The following CCDC149 variants were observed in gnomAD, a reference collection of about 807,000 sequenced individuals.
CCDC149 encodes the protein coiled-coil domain containing 149.
A neutral mutation model predicts 59.9 loss-of-function variants in CCDC149; 45 were observed. That is an observed-to-expected ratio of 0.75 (90% confidence interval 0.59 to 0.96). The LOEUF (loss-of-function observed/expected upper bound fraction) is 0.96, where lower values mean the gene tolerates loss of function less well. CCDC149 is among the 40% of genes least tolerant of loss of function. CCDC149 has a pLI of 0.00. For missense variants in CCDC149, 584 were observed against 664.7 expected (o/e 0.88, Z 1.33); for synonymous variants, 245 against 260.6 (o/e 0.94, Z 0.58).
chr4:24,859,197 G>A (rs780530777), intron 3 of CCDC149, among the ~76,000 whole-genome samples: 14 of 152,078 alleles, frequency 9.2e-5, no homozygotes, highest in Non-Finnish European at 1.8e-4. Context: ...AGTACGGTAT[G>A]GAATAAATTA....
chr4:24,974,154 T>C (rs1204426349), intron 1 of CCDC149, among the ~76,000 whole-genome samples: 1 of 152,148 alleles, frequency 6.6e-6, no homozygotes, highest in African/African-American at 2.4e-5. Context: ...CTTTTGACAG[T>C]TTGCTCCCCA....
At chr4:24,911,519 C>T (rs944065849) in intron 1 of CCDC149, among the ~76,000 whole-genome samples, 2 of 152,194 alleles carry the variant, frequency 1.3e-5, no homozygotes, top group Non-Finnish European at 2.9e-5. Context: ...CTCCAGCCTC[C>T]TTGACTACTA....
chr4:24,848,438 G>A (rs758014185), intron 4 of CCDC149, among the ~76,000 whole-genome samples: 134 of 152,070 alleles, frequency 8.8e-4, no homozygotes, highest in Non-Finnish European at 1.4e-3. Context: ...GCGTGGTGGC[G>A]CGTGCCTGTA....
chr4:24,891,657 A>G (rs2109286174), intron 1 of CCDC149, among the ~76,000 whole-genome samples: 1 of 152,352 alleles, frequency 6.6e-6, no homozygotes, highest in South Asian at 2.1e-4. Context: ...AAGTGCACAT[A>G]GACATCACTA....
At chr4:24,890,211 C>A (rs1441297541) in intron 1 of CCDC149, among the ~76,000 whole-genome samples, 1 of 152,190 alleles carries the variant, frequency 6.6e-6, no homozygotes, top group Non-Finnish European at 1.5e-5. Context: ...ATGATATGAA[C>A]AGCCAGCAGC....
intron 7 of CCDC149, 37 bp downstream of exon 7, chr4:24,836,399 T>C (rs771042965): frequency 3.7e-6 from 5 of 1,338,096 alleles, no homozygotes; most frequent in Non-Finnish European, 5.4e-6. Context: ...AGATGCACAA[T>C]AGTCAATCAC....
intron 1 of CCDC149, among the ~76,000 whole-genome samples, chr4:24,940,135 C>A (rs1156739761): frequency 6.6e-6 from 1 of 152,188 alleles, no homozygotes; most frequent in Non-Finnish European, 1.5e-5. Context: ...ATGTTAAGGG[C>A]AGCCAGAAAG....
intron 1 of CCDC149, among the ~76,000 whole-genome samples, chr4:24,934,924 T>A (rs902384535): frequency 1.3e-5 from 2 of 152,242 alleles, no homozygotes; most frequent in Non-Finnish European, 2.9e-5. Context: ...TTGAAGGTCA[T>A]GATCAGATCT....
chr4:24,916,567 A>C (rs1402214429), upstream of CCDC149, among the ~76,000 whole-genome samples: 6 of 152,190 alleles, frequency 3.9e-5, no homozygotes. Flanking sequence ...ACAGTATTTC[A>C]GTTCAAATTC....
intron 3 of CCDC149, among the ~76,000 whole-genome samples, chr4:24,873,295 C>A (rs993902088): frequency 6.6e-6 from 1 of 152,182 alleles, no homozygotes; most frequent in Non-Finnish European, 1.5e-5. Flanking sequence ...ATGGTATGCA[C>A]CCACTAAACA....
Position 24,873,688 on chromosome 4 carries a change from C to T in CCDC149, c.257G>A (p.Arg86Lys). Residue 86 changes from arginine to lysine, a missense_variant, in exon 3 of 13, where the codon AGG (arginine) becomes AAG (lysine). Transcript: ENST00000635206. ...ATCAGAAATAAGTCTTACCTGTTTC[C>T]TTTTTTCAGGAGGAAGTGATGGATC... The T allele has an allele frequency of 6.2e-7, 1 of 1,609,020 alleles. No homozygotes were observed.
intron 1 of CCDC149, among the ~76,000 whole-genome samples, chr4:24,929,209 C>G (rs765870554): frequency 4.6e-5 from 7 of 152,124 alleles, no homozygotes; most frequent in Non-Finnish European, 8.8e-5. Flanking sequence ...GCCAAGCAGC[C>G]CTGCTCTGCT....
intron 1 of CCDC149, among the ~76,000 whole-genome samples, chr4:24,949,436 CA>C (rs1723210733): frequency 7.2e-5 from 1 of 13,890 alleles, no homozygotes; most frequent in Non-Finnish European, 1.5e-4. Context: ...GTAGTGGTGG[CA>C]GGGAGGGGGG....
intron 12 of CCDC149, among the ~76,000 whole-genome samples, chr4:24,817,012 C>T (rs1173428739): frequency 2.0e-5 from 3 of 152,096 alleles, no homozygotes; most frequent in Non-Finnish European, 2.9e-5. Context: ...ACAGCCACGG[C>T]GTAAACACTT....
At chr4:24,863,424 C>T (rs1456675745) in intron 3 of CCDC149, among the ~76,000 whole-genome samples, 2 of 152,164 alleles carry the variant, frequency 1.3e-5, no homozygotes, top group African/African-American at 4.8e-5. Flanking sequence ...TATTTCAGAC[C>T]AGTAGCCAGT....
intron 1 of CCDC149, among the ~76,000 whole-genome samples, chr4:24,964,192 T>TAA (rs377278394): frequency 3.1e-4 from 37 of 119,196 alleles, no homozygotes; most frequent in Admixed American, 7.7e-4. Context: ...AGACCCTATC[T>TAA]AAAAAAAAAA....
At chr4:24,931,256 T>C (rs987653423) in intron 1 of CCDC149, among the ~76,000 whole-genome samples, 1 of 148,544 alleles carries the variant, frequency 6.7e-6, no homozygotes, top group Non-Finnish European at 1.5e-5. Flanking sequence ...TTGTATAATA[T>C]GCATATGTAT....
In CCDC149 at chr4:24,808,327, T is replaced by C; in HGVS notation, c.*62A>G. ...AGGCGACGTGAGCGCACCATTCCGA[T>C]GCTTCATTCTTGACCCTCTCTGGGG... On this transcript the variant is annotated 3_prime_UTR_variant, in exon 13 of 13. Transcript: ENST00000635206. The C allele has an allele frequency of 7.2e-6, 10 of 1,382,692 alleles. No individual in the cohort carries two copies. The highest frequency in any genetic ancestry group is 9.5e-6 in the Non-Finnish European group (10 of 1,055,670). The allele number at this position is 1,382,692 out of a possible 1,614,324, so 85.7% of individuals were successfully genotyped here.
At chr4:24,954,248 C>T (rs186325004) in intron 1 of CCDC149, among the ~76,000 whole-genome samples, 6 of 152,340 alleles carry the variant, frequency 3.9e-5, no homozygotes, top group African/African-American at 1.2e-4. Flanking sequence ...CATGGCTTTG[C>T]TGGGTACAGC....
Sources: allele counts gnomAD v4.1 joint callset (sites outside exome capture counted in the v4.1 genomes callset), GRCh38; gene constraint gnomAD v4.1.1; transcripts MANE v1.5; gene names NCBI Gene and HGNC (gene_info 2026-07-23, HGNC 2026-07-21).